SOX6: variants seen among roughly 807,000 people sequenced by gnomAD.
SOX6 encodes the protein SRY-box transcription factor 6, also known as transcription factor SOX-6.
In SOX6, 11 loss-of-function variants were observed where a neutral mutation model predicts 97.8. The observed-to-expected ratio is 0.11, with a 90% CI of 0.07 to 0.19. The LOEUF is 0.19. Among genes scored for constraint, SOX6 ranks in the 10% least tolerant of loss-of-function variants. The pLI is 1.00. For missense variants in SOX6, 810 were observed against 1,039.5 expected (o/e 0.78, Z 3.04); for synonymous variants, 360 against 371.4 (o/e 0.97, Z 0.35).
chr11:16,656,528 A>C (rs928050415), intron 3 of SOX6, among the ~76,000 whole-genome samples: 1 of 152,092 alleles, frequency 6.6e-6, no homozygotes. Context: ...AATTTTTCAG[A>C]TTTTAGACTT....
intron 10 of SOX6, among the ~76,000 whole-genome samples, chr11:16,054,307 T>G (rs1847760495): frequency 6.6e-6 from 1 of 151,578 alleles, no homozygotes; most frequent in South Asian, 2.1e-4. Flanking sequence ...AAGCAAAGTG[T>G]CTTTGAGTTG....
At position 16,132,243 on chromosome 11, in the gene SOX6, GA is replaced by G. The variant is rs1590215775; in HGVS notation, c.778-20321del. On this transcript the variant is annotated intron_variant, in intron 6 of 15. Coordinates refer to ENST00000683767, the MANE Select transcript of SOX6 (RefSeq NM_001367873.1). ...TGCTTCTCAAAAAAAAAGAAAGAAA[GA>G]AAGGAAGGAAGAAAGAAAGAAAGAA... is the stretch of plus-strand genomic sequence containing the variant. Among the ~76,000 whole-genome samples the G allele has an allele frequency of 2.9e-5, 4 of 135,978 alleles. 1 individual carries two copies. The East Asian group carries it at 8.9e-4, about 30-fold the overall frequency. 89.2% of individuals were successfully genotyped at this position (135,978 alleles called of 152,430 possible). A position where few individuals can be genotyped will look rare whatever the true frequency, so the allele number is the denominator to read the frequency against.
At chr11:16,373,889 G>GGAAGGAAGGGAGGGAGGA (rs1565119057) in intron 1 of SOX6, among the ~76,000 whole-genome samples, 1 of 14,214 alleles carries the variant, frequency 7.0e-5, no homozygotes, top group African/African-American at 2.2e-4. Flanking sequence ...GGAAGGAAGG[G>GGAAGGAAGGGAGGGAGGA]AGGGAGGGAG....
rs569060383 is a variant in SOX6 at position 16,444,160 on chromosome 11, A to C, written c.-5+32155T>G. On this transcript the variant is annotated intron_variant, in intron 1 of 15. Transcript: ENST00000396356. ...AAAAAAAAGTAAGTTGTTTTAGTAT[A>C]TCATTTTTTCTGTCAAAATCCCTTT... 7.2e-5 allele frequency among the ~76,000 whole-genome samples: 11 copies of C among 152,282 alleles called. No individual in the cohort carries two copies. In the South Asian group the frequency reaches 2.3e-3, roughly 32 times the overall value.
chr11:16,227,440 G>GT (rs902406333), intron 4 of SOX6, among the ~76,000 whole-genome samples: 96 of 142,112 alleles, frequency 6.8e-4, no homozygotes, highest in Middle Eastern at 3.5e-3. Flanking sequence ...AATTTTTAAT[G>GT]TTTTTTTTTT....
At chr11:16,356,566 G>A (rs571588626), upstream of SOX6, among the ~76,000 whole-genome samples, 65 of 152,000 alleles carry the variant, frequency 4.3e-4, no homozygotes, top group South Asian at 1.0e-3. Context: ...GTGAGCACAG[G>A]GGAAGGAAAA....
In SOX6 at chr11:16,373,868, GAA is replaced by G. The variant is rs1170233040; in HGVS notation, c.-4-32618_-4-32617del. Among the ~76,000 whole-genome samples the G allele has an allele frequency of 7.0e-4, 17 of 24,264 alleles. No individual in the cohort carries two copies. The South Asian group carries it at 0.012, about 17-fold the overall frequency. The allele number at this position is 24,264 out of a possible 152,430, so 15.9% of individuals were successfully genotyped here. On this transcript the variant is annotated intron_variant, in intron 1 of 15. Transcript: ENST00000396356. ...GGAAGGAAGGAAGGAAGGAAGGAAG[GAA>G]GGAAGGAAGGAAGGAAGGGAGGGAG... is the stretch of plus-strand genomic sequence containing the variant.
At chr11:16,011,357 C>T (rs902885100) in intron 13 of SOX6, among the ~76,000 whole-genome samples, 13 of 152,038 alleles carry the variant, frequency 8.6e-5, no homozygotes, top group South Asian at 2.1e-4. Flanking sequence ...CCTAAGTCCC[C>T]GGCACCAATG....
chr11:16,269,728 A>AT (rs1228390948), intron 3 of SOX6, among the ~76,000 whole-genome samples: 6 of 151,156 alleles, frequency 4.0e-5, no homozygotes, highest in Non-Finnish European at 8.9e-5. Flanking sequence ...TCTACCATTA[A>AT]TTATATCCTC....
At chr11:16,411,413 A>G (rs1435153687) in intron 1 of SOX6, among the ~76,000 whole-genome samples, 1 of 152,220 alleles carries the variant, frequency 6.6e-6, no homozygotes, top group African/African-American at 2.4e-5. Context: ...AGACATATCT[A>G]TAAGGGCTAG....
chr11:16,283,686 T>C (rs1854648467), intron 3 of SOX6: 1 of 228,562 alleles, frequency 4.4e-6, no homozygotes, highest in African/African-American at 2.4e-5. Flanking sequence ...TCTTAAGCAC[T>C]ACATAGCAAA....
intron 3 of SOX6, among the ~76,000 whole-genome samples, chr11:16,284,713 T>A (rs1391639856): frequency 6.6e-6 from 1 of 152,094 alleles, no homozygotes. Flanking sequence ...ATCCAGGAAG[T>A]GTGGGTGCAA....
chr11:15,974,069 A>G (rs922645204), intron 15 of SOX6, among the ~76,000 whole-genome samples: 4 of 152,204 alleles, frequency 2.6e-5, no homozygotes, highest in Non-Finnish European at 4.4e-5. Flanking sequence ...ATTCACCAAG[A>G]GTTTCTCAAT....
At chr11:16,502,536 T>A (rs936852702) in intron 4 of SOX6, among the ~76,000 whole-genome samples, 1 of 151,900 alleles carries the variant, frequency 6.6e-6, no homozygotes, top group African/African-American at 2.4e-5. Flanking sequence ...ATTAAAAAAA[T>A]TCTGTAACTG....
chr11:16,439,501 A>T (rs905428676), intron 1 of SOX6, among the ~76,000 whole-genome samples: 5 of 152,188 alleles, frequency 3.3e-5, no homozygotes, highest in Non-Finnish European at 7.4e-5. Context: ...AAGATTATGG[A>T]TAAAGTAAGT....
chr11:16,187,072 G>GGCCTCCAGTC, intron 4 of SOX6, 117 bp from the exon 5 acceptor site: 1 of 1,116,834 alleles, frequency 9.0e-7, no homozygotes, highest in Non-Finnish European at 1.3e-6. Context: ...CTGGGACAAT[G>GGCCTCCAGTC]ACTGGAGGCC....
intron 9 of SOX6, among the ~76,000 whole-genome samples, chr11:16,056,166 T>C (rs1311282585): frequency 6.6e-6 from 1 of 152,046 alleles, no homozygotes; most frequent in African/African-American, 2.4e-5. Flanking sequence ...AATTCAGGTT[T>C]TTTTTTTTAA....
intron 4 of SOX6, among the ~76,000 whole-genome samples, chr11:16,583,480 T>C (rs1312462673): frequency 6.6e-6 from 1 of 151,092 alleles, no homozygotes; most frequent in Non-Finnish European, 1.5e-5. Flanking sequence ...TATTCTACTG[T>C]CTACTTTTAT....
chr11:16,338,133 A>G (rs762928145), intron 2 of SOX6, among the ~76,000 whole-genome samples: 8 of 152,114 alleles, frequency 5.3e-5, no homozygotes, highest in Non-Finnish European at 8.8e-5. Context: ...TGGAAACTGT[A>G]TAAGTGCTGA....
Sources: allele counts gnomAD v4.1 joint callset (sites outside exome capture counted in the v4.1 genomes callset), GRCh38; gene constraint gnomAD v4.1.1; transcripts MANE v1.5; gene names NCBI Gene and HGNC (gene_info 2026-07-23, HGNC 2026-07-21).